Variants in RYR2 observed in about 807,000 individuals in gnomAD.
The protein encoded by RYR2 is ryanodine receptor 2.
Under a neutral mutation model 601.1 loss-of-function variants are expected in RYR2, and 227 were observed. The observed-to-expected ratio is 0.38, with a 90% CI of 0.34 to 0.42. RYR2 has a LOEUF of 0.42. Among genes scored for constraint, RYR2 ranks in the 10% least tolerant of loss-of-function variants. RYR2 has a pLI of 1.00. For synonymous variants in RYR2, 2,223 were observed against 2,175.1 expected, an observed-to-expected ratio of 1.02 and a Z score of -0.61; for missense variants, 4,646 against 6,156.5, an observed-to-expected ratio of 0.75 and a Z score of 8.21.
chr1:237,556,880 CAAAAAAAAAAAAAAA>C (rs869116177), intron 27 of RYR2, among the ~76,000 whole-genome samples: 4 of 77,838 alleles, frequency 5.1e-5, no homozygotes, highest in African/African-American at 1.7e-4. Context: ...TCCCTCCCAC[CAAAAAAAAAAAAAAA>C]AAAAAAAAAA....
chr1:237,417,985 G>A (rs931109536), intron 11 of RYR2, among the ~76,000 whole-genome samples: 1 of 152,048 alleles, frequency 6.6e-6, no homozygotes, highest in Non-Finnish European at 1.5e-5. Flanking sequence ...TAGGATAACA[G>A]ACTCTATGGG....
At chr1:237,105,834 CAAAAAA>C (rs34759459) in intron 1 of RYR2, among the ~76,000 whole-genome samples, 1 of 87,034 alleles carries the variant, frequency 1.1e-5, no homozygotes, top group African/African-American at 4.3e-5. Flanking sequence ...GACTCTGTCT[CAAAAAA>C]AAAAAAAAAA....
chr1:237,377,304 C>T lies in RYR2; in HGVS notation c.464-19C>T. 6.4e-7 allele frequency: 1 copy of T among 1,557,698 alleles called. No homozygotes were observed. Among genetic ancestry groups the T allele is most frequent in the Non-Finnish European group, 8.7e-7 (1 of 1,144,614 alleles). On this transcript the variant is annotated intron_variant, in intron 7 of 104. Transcript: ENST00000366574. ...TTAAGAGGAACTTTTTCATGTTTCA[C>T]ATATCCGTATATCTGCAGGGGAGGC...
At chr1:237,215,278 C>T (rs888524750) in intron 1 of RYR2, among the ~76,000 whole-genome samples, 13 of 151,952 alleles carry the variant, frequency 8.6e-5, no homozygotes, top group Non-Finnish European at 1.6e-4. Context: ...ATACATAAAA[C>T]ATGAAAGGAG....
At chr1:237,611,128 A>G (rs369241961) in intron 36 of RYR2, 140 bp downstream of exon 36, 2 of 663,126 alleles carry the variant, frequency 3.0e-6, no homozygotes, top group African/African-American at 1.8e-5. Context: ...TTCTTTAGGC[A>G]ATGGAGTCAT....
At position 237,623,377 on chromosome 1, in the gene RYR2, TTCTTTC is replaced by T. The variant is rs1287983946; in HGVS notation, c.5917-386_5917-381del. Among the ~76,000 whole-genome samples the T allele has an allele frequency of 1.5e-3, 117 of 79,794 alleles. 1 individual carries two copies. The highest frequency in any genetic ancestry group is 4.3e-3 in the African/African-American group (92 of 21,260). The allele number at this position is 79,794 out of a possible 152,430, so 52.3% of individuals were successfully genotyped here. ...TTTCTTTGTTTCTTTCTTTCTTTCT[TTCTTTC>T]TTTTTTTTTTTTTTTTTTTTTTTTT... On this transcript the variant is annotated intron_variant, in intron 38 of 104. Transcript: ENST00000366574.
At chr1:237,399,065 C>T (rs947915904) in intron 10 of RYR2, among the ~76,000 whole-genome samples, 1 of 152,146 alleles carries the variant, frequency 6.6e-6, no homozygotes, top group South Asian at 2.1e-4. Flanking sequence ...CATGGTGGCA[C>T]ATGCCTGTAA....
intron 100 of RYR2, among the ~76,000 whole-genome samples, chr1:237,816,799 C>T (rs776482973): frequency 5.9e-5 from 9 of 152,046 alleles, no homozygotes; most frequent in Non-Finnish European, 1.5e-5. Flanking sequence ...AAATAGTTTC[C>T]CCTTCTCACA....
chr1:237,426,595 TA>T (rs1368618621), intron 12 of RYR2, among the ~76,000 whole-genome samples: 1 of 152,184 alleles, frequency 6.6e-6, no homozygotes, highest in Non-Finnish European at 1.5e-5. Context: ...TGGTACCTAT[TA>T]AAATGGCATT....
intron 33 of RYR2, 37 bp downstream of exon 33, chr1:237,593,673 G>T (rs771797700): frequency 6.3e-5 from 101 of 1,603,834 alleles, no homozygotes; most frequent in Non-Finnish European, 7.9e-5. Flanking sequence ...AATGACATGT[G>T]AAAAAAATAT....
At chr1:237,607,743 A>T (rs1677305582) in intron 35 of RYR2, among the ~76,000 whole-genome samples, 1 of 152,200 alleles carries the variant, frequency 6.6e-6, no homozygotes, top group Non-Finnish European at 1.5e-5. Context: ...TCAGGAAAAA[A>T]GGTTGAACTT....
At chr1:237,712,319 C>T (rs550460791) in intron 71 of RYR2, among the ~76,000 whole-genome samples, 112 of 152,110 alleles carry the variant, frequency 7.4e-4, no homozygotes, top group African/African-American at 2.4e-3. Flanking sequence ...GTGATTAGAG[C>T]AGGTGGATAG....
At chr1:237,801,541 CAA>C (rs113741938) in intron 97 of RYR2, among the ~76,000 whole-genome samples, 147 of 106,386 alleles carry the variant, frequency 1.4e-3, no homozygotes, top group African/African-American at 4.6e-3. Flanking sequence ...AACTCTGTCT[CAA>C]AAAAAAAAAA....
intron 100 of RYR2, among the ~76,000 whole-genome samples, chr1:237,812,128 T>G (rs1661318692): frequency 6.6e-6 from 1 of 152,158 alleles, no homozygotes; most frequent in African/African-American, 2.4e-5. Context: ...CATTCCCATT[T>G]TACAGATGAG....
At chr1:237,627,406 G>A (rs951474) in intron 40 of RYR2, among the ~76,000 whole-genome samples, 54 of 152,224 alleles carry the variant, frequency 3.5e-4, no homozygotes, top group African/African-American at 1.2e-3. Flanking sequence ...GTCCGTGACC[G>A]AACTTTATAA....
chr1:237,168,826 G>A (rs1355658192), intron 1 of RYR2, among the ~76,000 whole-genome samples: 1 of 152,090 alleles, frequency 6.6e-6, no homozygotes, highest in Non-Finnish European at 1.5e-5. Context: ...TTTGCCTTTT[G>A]ATATTTTAGG....
intron 1 of RYR2, among the ~76,000 whole-genome samples, chr1:237,083,983 C>A (rs151280506): frequency 1.3e-4 from 20 of 152,172 alleles, no homozygotes; most frequent in African/African-American, 3.6e-4. Flanking sequence ...CCATATTGGA[C>A]AGTGTGGCTC....
chr1:237,657,310 GAT>G (rs1683344703), intron 53 of RYR2, among the ~76,000 whole-genome samples: 1 of 151,768 alleles, frequency 6.6e-6, no homozygotes, highest in African/African-American at 2.4e-5. Context: ...ACTTTAATAA[GAT>G]ATATTTATTA....
chr1:237,100,520 A>G (rs536107483), intron 1 of RYR2, among the ~76,000 whole-genome samples: 16 of 151,638 alleles, frequency 1.1e-4, no homozygotes, highest in South Asian at 2.1e-4. Context: ...CTGAGCAGCT[A>G]GGATTACAGG....
Sources: gnomAD v4.1 joint callset for allele counts (sites outside exome capture counted in the v4.1 genomes callset) on GRCh38, gnomAD v4.1.1 for gene constraint, MANE v1.5 for transcripts, NCBI Gene and HGNC (gene_info 2026-07-23, HGNC 2026-07-21) for gene names.